TMEM232: variants seen among roughly 807,000 people sequenced by gnomAD.
TMEM232 encodes transmembrane protein 232.
Under a neutral mutation model 78.8 loss-of-function variants are expected in TMEM232, and 80 were observed. The ratio of observed to expected loss-of-function variants is 1.01; its 90% CI spans 0.85 to 1.22. The LOEUF is 1.22. Ranked by LOEUF, TMEM232 falls within the 50% of genes most tolerant of loss-of-function variation. The probability of loss-of-function intolerance (pLI) is 0.00; values close to 1 mark genes in which losing one functional copy is unlikely to be tolerated. For synonymous variants in TMEM232, 297 were observed against 254.3 expected (o/e 1.17, Z -1.60); for missense variants, 881 against 742.2 (o/e 1.19, Z -2.17).
intron 11 of TMEM232, among the ~76,000 whole-genome samples, chr5:110,529,293 T>C (rs144366555): frequency 0.097 from 14,687 of 152,108 alleles, 734 homozygotes; most frequent in Admixed American, 0.13. Context: ...TCTCCCAGAC[T>C]GGAGTGCAGT....
intron 3 of TMEM232, among the ~76,000 whole-genome samples, chr5:110,396,389 GAA>G (rs1290674762): frequency 1.3e-5 from 2 of 151,628 alleles, no homozygotes; most frequent in Non-Finnish European, 2.9e-5. Flanking sequence ...CACCTGGGAG[GAA>G]AAAAAAGTTA....
chr5:110,440,747 G>T (rs1170293573), intron 12 of TMEM232, among the ~76,000 whole-genome samples: 12 of 152,192 alleles, frequency 7.9e-5, no homozygotes, highest in Non-Finnish European at 2.9e-5. Context: ...GTGTATTGAG[G>T]CAACCTACGC....
intron 2 of TMEM232, among the ~76,000 whole-genome samples, chr5:110,645,099 C>A (rs1787297529): frequency 6.6e-6 from 1 of 151,502 alleles, no homozygotes; most frequent in South Asian, 2.1e-4. Context: ...AACCTCCCAA[C>A]AAAGAAAAGC....
intron 1 of TMEM232, among the ~76,000 whole-genome samples, chr5:110,706,743 G>C (rs1795968800): frequency 6.6e-6 from 1 of 152,102 alleles, no homozygotes; most frequent in Non-Finnish European, 1.5e-5. Context: ...AGCGCCTAAA[G>C]AAATAATCCC....
Position 110,508,206 on chromosome 5 carries a change from T to C in TMEM232, c.1703+20382A>G, listed in dbSNP as rs187506030. On this transcript the variant is annotated intron_variant, in intron 12 of 13. Transcript: ENST00000455884. ...GAACAGCCAAGAATTTAGTGACATATCACTTCAGATATGATGGATGCTTAG... is the reference window on the plus strand; with the variant it reads ...GAACAGCCAAGAATTTAGTGACATACCACTTCAGATATGATGGATGCTTAG... Among the ~76,000 whole-genome samples, 7 of 152,208 alleles carry C rather than the reference T, an allele frequency of 4.6e-5. No homozygotes were observed. In the East Asian group the frequency reaches 1.2e-3, roughly 25 times the overall value.
chr5:110,431,204 G>A (rs928328046), intron 12 of TMEM232, among the ~76,000 whole-genome samples: 2 of 151,504 alleles, frequency 1.3e-5, no homozygotes, highest in Non-Finnish European at 3.0e-5. Flanking sequence ...AGGCTAAGAA[G>A]CCAAGCAAAG....
chr5:110,458,437 C>A (rs953816895), intron 12 of TMEM232, among the ~76,000 whole-genome samples: 1 of 152,126 alleles, frequency 6.6e-6, no homozygotes, highest in Non-Finnish European at 1.5e-5. Flanking sequence ...TATCTGTGTT[C>A]TCTGAATTTT....
intron 12 of TMEM232, among the ~76,000 whole-genome samples, chr5:110,465,051 G>C (rs1442426511): frequency 2.0e-5 from 3 of 152,188 alleles, no homozygotes; most frequent in African/African-American, 4.8e-5. Context: ...AGAAAGCTGA[G>C]ATGGTCTAAC....
chr5:110,676,463 C>T (rs573457404), intron 1 of TMEM232, among the ~76,000 whole-genome samples: 261 of 150,446 alleles, frequency 1.7e-3, no homozygotes, highest in Non-Finnish European at 3.1e-3. Flanking sequence ...TGGCCGCGAT[C>T]TTGGGGCTCA....
intron 3 of TMEM232, among the ~76,000 whole-genome samples, chr5:110,393,124 G>A (rs199884282): frequency 1.3e-5 from 2 of 152,166 alleles, no homozygotes; most frequent in African/African-American, 4.8e-5. Flanking sequence ...ATGTACACTT[G>A]TGTATTCTGC....
At chr5:110,621,631 AAGCACTG>A (rs1351941597) in intron 7 of TMEM232, among the ~76,000 whole-genome samples, 5 of 152,098 alleles carry the variant, frequency 3.3e-5, no homozygotes, top group African/African-American at 1.2e-4. Context: ...ATAGTTTGAA[AAGCACTG>A]AGCACTGCCT....
chr5:110,609,221 A>T (rs974204165), intron 8 of TMEM232, among the ~76,000 whole-genome samples: 4 of 152,004 alleles, frequency 2.6e-5, no homozygotes, highest in African/African-American at 9.7e-5. Context: ...ACAATGTCAA[A>T]AATCCACATG....
chr5:110,407,563 C>G (rs1421336517), intron 2 of TMEM232, among the ~76,000 whole-genome samples: 1 of 152,136 alleles, frequency 6.6e-6, no homozygotes, highest in African/African-American at 2.4e-5. Context: ...GGGAGATAGA[C>G]TGCAATATAA....
chr5:110,470,552 T>C (rs1762557354), intron 12 of TMEM232, among the ~76,000 whole-genome samples: 1 of 151,970 alleles, frequency 6.6e-6, no homozygotes, highest in Non-Finnish European at 1.5e-5. Context: ...AATAAAAAAA[T>C]AAGAGGACGA....
chr5:110,456,282 G>A (rs1213854075), intron 12 of TMEM232, among the ~76,000 whole-genome samples: 1 of 151,524 alleles, frequency 6.6e-6, no homozygotes, highest in African/African-American at 2.4e-5. Context: ...TTAATAATTA[G>A]AAATTACAAT....
chr5:110,622,128 A>G (rs1174157766), intron 7 of TMEM232, among the ~76,000 whole-genome samples: 1 of 152,180 alleles, frequency 6.6e-6, no homozygotes, highest in Non-Finnish European at 1.5e-5. Context: ...TTTGACGTGA[A>G]TCATAGGATA....
chr5:110,653,007 T>C (rs1361920747), intron 2 of TMEM232, among the ~76,000 whole-genome samples: 1 of 152,242 alleles, frequency 6.6e-6, no homozygotes, highest in East Asian at 1.9e-4. Flanking sequence ...TCTGTGATAA[T>C]GTGAATATCT....
At chr5:110,726,446 A>G (rs1561576340) in intron 1 of TMEM232, among the ~76,000 whole-genome samples, 181 bp downstream of exon 1, 2 of 152,168 alleles carry the variant, frequency 1.3e-5, no homozygotes, top group Admixed American at 1.3e-4. Flanking sequence ...GGGCCCAGAT[A>G]GCAGGCCCAG....
At chr5:110,401,418 C>T (rs755465397) in intron 2 of TMEM232, among the ~76,000 whole-genome samples, 7 of 151,840 alleles carry the variant, frequency 4.6e-5, no homozygotes, top group Non-Finnish European at 1.0e-4. Flanking sequence ...GTACGACATG[C>T]CTCTCTGGCC....
Sources: gnomAD v4.1 joint callset for allele counts (sites outside exome capture counted in the v4.1 genomes callset) on GRCh38, gnomAD v4.1.1 for gene constraint, MANE v1.5 for transcripts, NCBI Gene and HGNC (gene_info 2026-07-23, HGNC 2026-07-21) for gene names.